The following PXDC1 variants were observed in gnomAD, a reference collection of about 807,000 sequenced individuals.
PXDC1 encodes the protein PX domain-containing protein 1.
PXDC1 carries 13 observed loss-of-function variants against 24.4 expected under a neutral mutation model. The observed-to-expected ratio is 0.53, with a 90% CI of 0.35 to 0.85. The LOEUF is 0.85. Among genes scored for constraint, PXDC1 ranks in the 40% least tolerant of loss-of-function variants. The probability of loss-of-function intolerance (pLI) is 0.01; values close to 1 mark genes in which losing one functional copy is unlikely to be tolerated. For missense variants in PXDC1, 344 were observed against 309.3 expected, an observed-to-expected ratio of 1.11 and a Z score of -0.84; for synonymous variants, 162 against 124.9, an observed-to-expected ratio of 1.30 and a Z score of -1.98.
chr6:3,727,126 T>C (rs2127597861), intron 4 of PXDC1, among the ~76,000 whole-genome samples: 2 of 152,348 alleles, frequency 1.3e-5, no homozygotes, highest in South Asian at 4.1e-4. Context: ...AAGACAGTGG[T>C]GGCTTTGGCT....
At position 3,751,336 on chromosome 6, in the gene PXDC1, G is replaced by A. The variant is rs1267928179; in HGVS notation, c.196C>T (p.Arg66Cys). 2 of 1,551,196 alleles carry A rather than the reference G, an allele frequency of 1.3e-6. No individual in the cohort carries two copies. The highest frequency in any genetic ancestry group is 1.9e-5 in the Admixed American group (1 of 52,164). ...TCCTCGGGAAAGGCGTCGCGCAGGC[G>A]CTGCCACAGGCGGCCCAGGTCCGCC... ...SLADLGRLWQ[R>C]LRDAFPEDRS... Residue 66 changes from arginine to cysteine, a missense_variant, in exon 1 of 5, where the codon CGC (arginine) becomes TGC (cysteine). Coordinates refer to ENST00000380283, the MANE Select transcript of PXDC1 (RefSeq NM_183373.4).
chr6:3,727,798 C>A, intron 3 of PXDC1, 136 bp from the exon 4 acceptor site: 1 of 626,704 alleles, frequency 1.6e-6, no homozygotes, highest in Non-Finnish European at 2.9e-6. Flanking sequence ...TAAGAGAATG[C>A]CGTGCACCCG....
At chr6:3,751,246 C>A in intron 1 of PXDC1, 30 bp downstream of exon 1, 3 of 1,429,950 alleles carry the variant, frequency 2.1e-6, no homozygotes, top group Non-Finnish European at 2.7e-6. Flanking sequence ...GCCTCGGCCC[C>A]GCGCCCCTCC....
intron 1 of PXDC1, 177 bp downstream of exon 1, chr6:3,751,099 C>T (rs1233303534): frequency 9.5e-6 from 5 of 524,480 alleles, no homozygotes; most frequent in Admixed American, 4.3e-5. Flanking sequence ...GGCTCCCCGT[C>T]CCCCTAACCC....
intron 3 of PXDC1, among the ~76,000 whole-genome samples, chr6:3,736,855 C>T (rs959777601): frequency 8.5e-5 from 13 of 152,228 alleles, no homozygotes; most frequent in Admixed American, 5.2e-4. Flanking sequence ...TTCCAATTTA[C>T]ATGCCAAACA....
In PXDC1 at chr6:3,751,429, C is replaced by A. The variant is rs1335546768; in HGVS notation, c.103G>T (p.Glu35Ter). 1 of 1,587,724 alleles carries A rather than the reference C, an allele frequency of 6.3e-7. No homozygotes were observed. The highest frequency in any genetic ancestry group is 1.3e-5 in the African/African-American group (1 of 74,240). ...GTGCGGATCTCGAAGAACTCCTCTT[C>A]GTCGCCGCGCCGGCTGACGATGAGC... ...RRLIVSRRGD[E>*]EEFFEIRTEW... Residue 35 changes from glutamate to a stop codon, truncating the protein, a stop_gained, in exon 1 of 5, where the codon GAA (glutamate) becomes TAA (stop). Transcript: ENST00000380283. LOFTEE classifies it high-confidence loss of function.
intron 3 of PXDC1, among the ~76,000 whole-genome samples, chr6:3,729,193 T>A (rs998076427): frequency 5.9e-5 from 9 of 152,178 alleles, no homozygotes; most frequent in South Asian, 2.1e-4. Flanking sequence ...CATTCCCGTG[T>A]ATGGATTTGC....
chr6:3,727,652 C>T lies in PXDC1; in HGVS notation c.477G>A (p.Arg159=). 2 of 1,612,302 alleles carry T rather than the reference C, an allele frequency of 1.2e-6. No homozygotes were observed. The highest frequency in any genetic ancestry group is 1.7e-6 in the Non-Finnish European group (2 of 1,178,336). ...TATTTGCTAAACAAAATCCATTGGA[C>T]CTCATGATTTCTGAAAACCAAAGCA... The part of the protein sequence containing the change: ...QSPVKISEIM[R]SNGFCLANTE... The change falls in exon 4 of 5, where the codon AGG becomes AGA. Residue 159 remains arginine (R), a synonymous_variant. Transcript: ENST00000380283.
rs1581241829 is a variant in PXDC1 at position 3,728,883 on chromosome 6, G to A, written c.467-1221C>T. ...AAGTCCTCCAGCTGCCCGTGAGCCT[G>A]CTCATCTCCTAACCACAGCTCTAAG... On this transcript the variant is annotated intron_variant, in intron 3 of 4. Coordinates refer to ENST00000380283, the MANE Select transcript of PXDC1 (RefSeq NM_183373.4). The surrounding 1 kb of genome is among the most constrained non-coding windows in gnomAD (Gnocchi z 4.0). Among the ~76,000 whole-genome samples the A allele has an allele frequency of 6.6e-6, 1 of 152,184 alleles. No individual in the cohort carries two copies. Among genetic ancestry groups the A allele is most frequent in the African/African-American group, 2.4e-5 (1 of 41,444 alleles).
intron 3 of PXDC1, among the ~76,000 whole-genome samples, chr6:3,735,259 T>G (rs982188611): frequency 6.6e-6 from 1 of 152,044 alleles, no homozygotes; most frequent in East Asian, 1.9e-4. Flanking sequence ...AAAAGACACA[T>G]AGACCAATGG....
rs1322581435 is a variant in PXDC1 at position 3,724,104 on chromosome 6, C to T, written c.579-368G>A. ...GAAGAGGCGCCTGCCTCGTGCTGGG[C>T]CCTGGGGACAGCTGAGAGAGGAGTG... On this transcript the variant is annotated intron_variant, in intron 4 of 4. Transcript: ENST00000380283. The surrounding 1 kb of genome is among the most constrained non-coding windows in gnomAD (Gnocchi z 4.5). Among the ~76,000 whole-genome samples, 1 of 152,164 alleles carries T rather than the reference C, an allele frequency of 6.6e-6. No individual in the cohort carries two copies. Among genetic ancestry groups the T allele is most frequent in the Non-Finnish European group, 1.5e-5 (1 of 68,026 alleles).
intron 1 of PXDC1, chr6:3,739,182 G>C: frequency 9.3e-7 from 1 of 1,076,462 alleles, no homozygotes; most frequent in Admixed American, 4.3e-5. Flanking sequence ...GATAAAAAAA[G>C]ATTTCTTAAA....
chr6:3,727,517 G>C (rs1189377318), intron 4 of PXDC1, 34 bp downstream of exon 4: 3 of 1,464,220 alleles, frequency 2.0e-6, no homozygotes, highest in East Asian at 2.3e-5. Context: ...GCTCAGGACA[G>C]TCTATGAAAC....
In PXDC1 at chr6:3,738,152, G is replaced by A. The variant is rs373233661; in HGVS notation, c.257-4C>T. 51 of 1,611,108 alleles carry A rather than the reference G, an allele frequency of 3.2e-5. No individual in the cohort carries two copies. Among genetic ancestry groups the A allele is most frequent in the Non-Finnish European group, 4.3e-5 (51 of 1,177,410 alleles). ...GCTTCCTTTATGGCAACCAGTCCTAGAATTGAGACAGAAATGCTCAAAGTC... is the reference window on the plus strand; with the variant it reads ...GCTTCCTTTATGGCAACCAGTCCTAAAATTGAGACAGAAATGCTCAAAGTC... On this transcript the variant is annotated splice_region_variant and splice_polypyrimidine_tract_variant and intron_variant, in intron 1 of 4. Coordinates refer to ENST00000380283, the MANE Select transcript of PXDC1 (RefSeq NM_183373.4).
At position 3,736,363 on chromosome 6, in the gene PXDC1, G is replaced by A. The variant is rs574961886; in HGVS notation, c.466+716C>T. Among the ~76,000 whole-genome samples, 3 of 152,142 alleles carry A rather than the reference G, an allele frequency of 2.0e-5. No homozygotes were observed. In the South Asian group the frequency reaches 6.2e-4, roughly 32 times the overall value. On this transcript the variant is annotated intron_variant, in intron 3 of 4. Coordinates refer to ENST00000380283, the MANE Select transcript of PXDC1 (RefSeq NM_183373.4). The stretch of plus-strand genomic sequence containing the variant: ...GGCTGAGCCATGTCTCCTCTCATGA[G>A]TCCCCCCTTCCCTCCCTGTCCACCA...
intron 3 of PXDC1, among the ~76,000 whole-genome samples, chr6:3,731,462 A>C (rs773077618): frequency 5.3e-5 from 8 of 152,268 alleles, no homozygotes; most frequent in Non-Finnish European, 1.0e-4. Flanking sequence ...CATTTTAATC[A>C]CATACATGAC....
At position 3,723,596 on chromosome 6, in the gene PXDC1, CG is replaced by C. The variant is rs746237203; in HGVS notation, c.*22del. 1 of 1,549,930 alleles carries C rather than the reference CG, an allele frequency of 6.5e-7. No individual in the cohort carries two copies. Among genetic ancestry groups the C allele is most frequent in the Non-Finnish European group, 8.9e-7 (1 of 1,122,170 alleles). ...CAGAGCTGGCAGTGAACAGCTGAGG[CG>C]GGGGAGGCCTGATAGAGAGGTTCAG... On this transcript the variant is annotated 3_prime_UTR_variant, in exon 5 of 5. Coordinates refer to ENST00000380283, the MANE Select transcript of PXDC1 (RefSeq NM_183373.4).
At position 3,737,484 on chromosome 6, in the gene PXDC1, T is replaced by G. The variant is rs1760346731; in HGVS notation, c.349-288A>C. The G allele has an allele frequency of 5.6e-6, 1 of 178,278 alleles. No homozygotes were observed. Among genetic ancestry groups the G allele is most frequent in the African/African-American group, 2.4e-5 (1 of 41,896 alleles). The allele number at this position is 178,278 out of a possible 1,614,324, so 11.0% of individuals were successfully genotyped here. On this transcript the variant is annotated intron_variant, in intron 2 of 4. Transcript: ENST00000380283. This position sits in a 1 kb window ranked among gnomAD's most constrained non-coding sequence, Gnocchi z 5.5. ...TTTCACTTGCGCCTCCCTCCCTCTATAGTCAACTGTAGGCTGTGTCCACTC... is the reference window on the plus strand; with the variant it reads ...TTTCACTTGCGCCTCCCTCCCTCTAGAGTCAACTGTAGGCTGTGTCCACTC...
rs1385589491 is a variant in PXDC1, at chr6:3,723,631, G to A, written c.684C>T (p.Asp228=). ...CTGATAGAGAGGTTCAGTCCCAAATGTCTGTCTCGAAGGGGACCAGGTGGT... is the reference window on the plus strand; with the variant it reads ...CTGATAGAGAGGTTCAGTCCCAAATATCTGTCTCGAAGGGGACCAGGTGGT... The part of the protein sequence containing the change: ...SYYHLVPFET[D]IWD The change falls in exon 5 of 5, where the codon GAC becomes GAT. Residue 228 remains aspartate, a synonymous_variant. Coordinates refer to ENST00000380283, the MANE Select transcript of PXDC1 (RefSeq NM_183373.4). 6.2e-7 allele frequency: 1 copy of A among 1,613,422 alleles called. No individual in the cohort carries two copies. The highest frequency in any genetic ancestry group is 1.3e-5 in the African/African-American group (1 of 74,924).
Sources: allele counts gnomAD v4.1 joint callset (sites outside exome capture counted in the v4.1 genomes callset), GRCh38; gene constraint gnomAD v4.1.1; non-coding constraint Gnocchi (gnomAD v3.1); transcripts MANE v1.5; gene names NCBI Gene and HGNC (gene_info 2026-07-23, HGNC 2026-07-21).